RPF2: variants seen among roughly 807,000 people sequenced by gnomAD.
RPF2 encodes ribosome production factor 2 homolog, also known as brix domain containing 1.
Under a neutral mutation model 38.9 loss-of-function variants are expected in RPF2, and 21 were observed. That is an observed-to-expected ratio of 0.54 (90% CI 0.38 to 0.78). The LOEUF (loss-of-function observed/expected upper bound fraction) is 0.78. Among genes scored for constraint, RPF2 ranks in the 30% least tolerant of loss-of-function variants. The pLI, the probability that RPF2 is intolerant of heterozygous loss-of-function variation, is 0.00. For synonymous variants in RPF2, 121 were observed against 126.2 expected (o/e 0.96, Z 0.28); for missense variants, 314 against 358.1 (o/e 0.88, Z 0.99).
Position 110,999,798 on chromosome 6 carries a change from C to A in RPF2, c.393+11C>A, listed in dbSNP as rs375798238. The A allele has an allele frequency of 2.3e-5, 33 of 1,424,052 alleles. No homozygotes were observed. The highest frequency in any genetic ancestry group is 3.4e-5 in the Admixed American group (2 of 59,544). 88.2% of individuals were successfully genotyped at this position (1,424,052 alleles called of 1,614,324 possible). A position where few individuals can be genotyped will look rare whatever the true frequency, so the allele number is the denominator to read the frequency against. The stretch of plus-strand genomic sequence containing the variant: ...CTAAAAGACATTAAGGTAAGATACT[C>A]ATAGAAATGAAAAGTATTTTGTAAT... On this transcript the variant is annotated intron_variant, in intron 6 of 9. Transcript: ENST00000441448.
chr6:111,018,627 A>G (rs1772173657), intron 8 of RPF2, among the ~76,000 whole-genome samples: 1 of 150,384 alleles, frequency 6.6e-6, no homozygotes, highest in African/African-American at 2.4e-5. Flanking sequence ...GCTCAACTGT[A>G]TTAAATCAGA....
intron 6 of RPF2, among the ~76,000 whole-genome samples, chr6:111,002,878 C>T (rs965470678): frequency 2.0e-5 from 3 of 151,872 alleles, no homozygotes; most frequent in East Asian, 1.9e-4. Context: ...AAGCAATTCT[C>T]CTGCCTCAGC....
Position 111,008,014 on chromosome 6 carries a change from A to G in RPF2, c.394-24A>G, listed in dbSNP as rs1583269488. 8 of 1,430,356 alleles carry G rather than the reference A, an allele frequency of 5.6e-6. No homozygotes were observed. The East Asian group carries it at 1.9e-4, about 34-fold the overall frequency. 88.6% of individuals were successfully genotyped at this position (1,430,356 alleles called of 1,614,324 possible). On this transcript the variant is annotated intron_variant, in intron 6 of 9. Transcript: ENST00000441448. ...CAGTTTAGACTTTGGTAATTATATA[A>G]TTGCTTTTTTTTTTTTTTTTTAGAA...
At chr6:110,991,438 A>G (rs1462603286) in intron 3 of RPF2, among the ~76,000 whole-genome samples, 1 of 150,236 alleles carries the variant, frequency 6.7e-6, no homozygotes, top group Non-Finnish European at 1.5e-5. Flanking sequence ...TGTCTATTGA[A>G]TACTGTCAAT....
Position 111,015,824 on chromosome 6 carries a change from A to G in RPF2, c.564A>G (p.Ala188=), listed in dbSNP as rs1281317386. Residue 188 remains alanine, a synonymous_variant, in exon 8 of 10, where the codon GCA becomes GCG. Coordinates refer to ENST00000441448, the MANE Select transcript of RPF2 (RefSeq NM_032194.3). ...AGLEYVLHFT[A]LNGKIYFRSY... ...TAGAGTATGTTCTGCACTTCACTGC[A>G]CTGAATGGGAAGATTTACTTTCGAA... is the stretch of plus-strand genomic sequence containing the variant. 6.2e-7 allele frequency: 1 copy of G among 1,612,416 alleles called. No individual in the cohort carries two copies. The highest frequency in any genetic ancestry group is 1.7e-5 in the Admixed American group (1 of 60,014).
intron 7 of RPF2, among the ~76,000 whole-genome samples, chr6:111,012,598 A>G (rs975056888): frequency 3.3e-5 from 5 of 152,202 alleles, no homozygotes; most frequent in African/African-American, 1.2e-4. Flanking sequence ...TAGCTTTTCT[A>G]AGGTCATGCA....
At chr6:111,006,291 G>C (rs1009459464) in intron 6 of RPF2, among the ~76,000 whole-genome samples, 1 of 151,914 alleles carries the variant, frequency 6.6e-6, no homozygotes, top group Non-Finnish European at 1.5e-5. Context: ...CTAGAGTGCA[G>C]TGGTGCAATC....
intron 4 of RPF2, among the ~76,000 whole-genome samples, chr6:110,994,912 A>G (rs1297932942): frequency 2.6e-5 from 4 of 151,896 alleles, no homozygotes; most frequent in Admixed American, 2.6e-4. Context: ...ATAAATATAT[A>G]TATTTTAATT....
intron 8 of RPF2, among the ~76,000 whole-genome samples, chr6:111,019,409 C>A (rs886204314): frequency 6.6e-6 from 1 of 152,094 alleles, no homozygotes; most frequent in African/African-American, 2.4e-5. Context: ...CACTGCACTC[C>A]AGCCTAGGTG....
intron 6 of RPF2, among the ~76,000 whole-genome samples, chr6:111,003,359 C>T (rs970509353): frequency 6.6e-6 from 1 of 151,922 alleles, no homozygotes; most frequent in Non-Finnish European, 1.5e-5. Flanking sequence ...GGCGTGATTT[C>T]GTCTCACTGC....
chr6:110,997,385 A>C, intron 5 of RPF2, 121 bp downstream of exon 5: 1 of 638,366 alleles, frequency 1.6e-6, no homozygotes, highest in Non-Finnish European at 2.8e-6. Context: ...TTCATCCAAG[A>C]GGCATAGGCA....
chr6:111,000,919 G>T (rs955828134), intron 6 of RPF2, among the ~76,000 whole-genome samples: 2 of 152,196 alleles, frequency 1.3e-5, no homozygotes, highest in Non-Finnish European at 2.9e-5. Flanking sequence ...ATGGGTTTTT[G>T]AGGCTCATGG....
chr6:111,003,208 T>C (rs1269789490), intron 6 of RPF2, among the ~76,000 whole-genome samples: 2 of 151,940 alleles, frequency 1.3e-5, no homozygotes, highest in African/African-American at 4.8e-5. Context: ...TACTTCTCCC[T>C]TGTCTTTAAG....
chr6:110,987,593 A>C lies in RPF2; in HGVS notation c.157-1435A>C, dbSNP rs933214747. ...ATTACTACAATAATTAAAATTCATC[A>C]TGATGACTCTGAGTCATCAAGAAGA... is the stretch of plus-strand genomic sequence containing the variant. On this transcript the variant is annotated intron_variant, in intron 2 of 9. Transcript: ENST00000441448. 3.9e-5 allele frequency among the ~76,000 whole-genome samples: 6 copies of C among 152,330 alleles called. No homozygotes were observed. In the South Asian group the frequency reaches 1.2e-3, roughly 32 times the overall value.
chr6:111,017,471 G>C (rs1772143689), intron 8 of RPF2, among the ~76,000 whole-genome samples: 1 of 151,034 alleles, frequency 6.6e-6, no homozygotes, highest in African/African-American at 2.4e-5. Context: ...CGGCTGCCGG[G>C]CGGAGGGGCT....
intron 2 of RPF2, 76 bp downstream of exon 2, chr6:110,985,214 G>A: frequency 7.9e-7 from 1 of 1,257,958 alleles, no homozygotes; most frequent in Non-Finnish European, 1.1e-6. Context: ...TGGGCTGTCG[G>A]AGAAATACGT....
intron 1 of RPF2, 103 bp downstream of exon 1, chr6:110,982,232 A>G: frequency 7.5e-7 from 1 of 1,329,660 alleles, no homozygotes; most frequent in South Asian, 1.2e-5. Flanking sequence ...TACCCCTCTA[A>G]TTACCTGGGT....
At chr6:110,985,300 G>A (rs539559847) in intron 2 of RPF2, among the ~76,000 whole-genome samples, 162 bp downstream of exon 2, 5 of 152,150 alleles carry the variant, frequency 3.3e-5, no homozygotes, top group African/African-American at 1.2e-4. Flanking sequence ...ACCTTGCGTG[G>A]CACCTTTTCT....
intron 6 of RPF2, among the ~76,000 whole-genome samples, chr6:111,000,864 A>G (rs1771800871): frequency 6.7e-6 from 1 of 149,920 alleles, no homozygotes; most frequent in Non-Finnish European, 1.5e-5. Flanking sequence ...CTTTGAGAGA[A>G]GTGATGTTGT....
Sources: gnomAD v4.1 joint callset for allele counts (sites outside exome capture counted in the v4.1 genomes callset) on GRCh38, gnomAD v4.1.1 for gene constraint, MANE v1.5 for transcripts, NCBI Gene and HGNC (gene_info 2026-07-23, HGNC 2026-07-21) for gene names.